ZMYM4: variants seen among roughly 807,000 people sequenced by gnomAD.
The protein encoded by ZMYM4 is zinc finger MYM-type protein 4.
Under a neutral mutation model 183.2 loss-of-function variants are expected in ZMYM4, and 31 were observed. That is an observed-to-expected ratio of 0.17 (90% CI 0.13 to 0.23). ZMYM4 has a LOEUF of 0.23. Among genes scored for constraint, ZMYM4 ranks in the 10% least tolerant of loss-of-function variants. The pLI is 1.00. For synonymous variants in ZMYM4, 592 were observed against 631.2 expected (o/e 0.94, Z 0.93); for missense variants, 1,273 against 1,840.3 (o/e 0.69, Z 5.64).
intron 28 of ZMYM4, among the ~76,000 whole-genome samples, chr1:35,418,061 A>T (rs945386139): frequency 1.3e-5 from 2 of 152,158 alleles, no homozygotes; most frequent in Admixed American, 6.6e-5. Flanking sequence ...TGTAGGAGAA[A>T]AACATGTGGA....
chr1:35,295,017 T>G (rs942844030), intron 1 of ZMYM4, among the ~76,000 whole-genome samples: 17 of 152,220 alleles, frequency 1.1e-4, no homozygotes, highest in South Asian at 2.1e-4. Flanking sequence ...AGTGTTTGAG[T>G]GCCTGTTATG....
At chr1:35,357,769 A>G (rs766702740) in intron 2 of ZMYM4, among the ~76,000 whole-genome samples, 5 of 152,190 alleles carry the variant, frequency 3.3e-5, no homozygotes, top group African/African-American at 9.7e-5. Context: ...CTAGTTGAAT[A>G]TAGACATCCG....
intron 1 of ZMYM4, among the ~76,000 whole-genome samples, chr1:35,316,840 A>G (rs1642065810): frequency 6.6e-6 from 1 of 152,182 alleles, no homozygotes; most frequent in Admixed American, 6.5e-5. Context: ...TATATTGAAA[A>G]AATTCAATTG....
intron 27 of ZMYM4, among the ~76,000 whole-genome samples, 168 bp downstream of exon 27, chr1:35,414,251 CTG>C (rs982097007): frequency 6.6e-6 from 1 of 152,156 alleles, no homozygotes; most frequent in African/African-American, 2.4e-5. Flanking sequence ...TTTAGGAAAA[CTG>C]TACAAGTCAT....
At chr1:35,358,206 T>C (rs745570968) in intron 2 of ZMYM4, among the ~76,000 whole-genome samples, 1 of 152,102 alleles carries the variant, frequency 6.6e-6, no homozygotes, top group Non-Finnish European at 1.5e-5. Context: ...GAAGGGAAGA[T>C]GAATGAGGGC....
intron 1 of ZMYM4, among the ~76,000 whole-genome samples, chr1:35,317,948 C>G (rs2148802290): frequency 6.6e-6 from 1 of 151,818 alleles, no homozygotes; most frequent in Middle Eastern, 3.4e-3. Flanking sequence ...GGAAGTAATA[C>G]TGGTACAAAT....
intron 2 of ZMYM4, among the ~76,000 whole-genome samples, chr1:35,336,150 A>G (rs1307071145): frequency 2.6e-5 from 4 of 152,158 alleles, no homozygotes; most frequent in Non-Finnish European, 4.4e-5. Context: ...GAGTTTGACT[A>G]TGGTAGTAAC....
chr1:35,414,620 A>G (rs1344960566), intron 27 of ZMYM4, among the ~76,000 whole-genome samples: 3 of 152,254 alleles, frequency 2.0e-5, no homozygotes, highest in African/African-American at 7.2e-5. Context: ...AGGAGTTTGC[A>G]AACTATGGTC....
intron 1 of ZMYM4, among the ~76,000 whole-genome samples, chr1:35,323,142 C>T (rs966861346): frequency 1.3e-5 from 2 of 152,020 alleles, no homozygotes; most frequent in Non-Finnish European, 2.9e-5. Context: ...GCTGGGATTA[C>T]AGGTGCCCGC....
chr1:35,367,765 CAGG>C (rs1350552314), intron 5 of ZMYM4, among the ~76,000 whole-genome samples: 1 of 151,892 alleles, frequency 6.6e-6, no homozygotes. Flanking sequence ...TACTTGAGGT[CAGG>C]AGTTCAAGAC....
intron 1 of ZMYM4, among the ~76,000 whole-genome samples, chr1:35,286,715 C>T (rs1269161515): frequency 6.7e-6 from 1 of 149,120 alleles, no homozygotes; most frequent in Non-Finnish European, 1.5e-5. Context: ...CCTCCCACCT[C>T]ACCCACCTGA....
chr1:35,414,059 T>C lies in ZMYM4; in HGVS notation c.4036T>C (p.Trp1346Arg). 1 of 1,581,866 alleles carries C rather than the reference T, an allele frequency of 6.3e-7. No individual in the cohort carries two copies. Among genetic ancestry groups the C allele is most frequent in the Non-Finnish European group, 8.6e-7 (1 of 1,162,588 alleles). Residue 1346 changes from tryptophan to arginine, a missense_variant, in exon 27 of 30, where the codon TGG (tryptophan) becomes CGG (arginine). Around this residue, in one of 6 missense-constraint regions of ZMYM4, gnomAD observed 145 missense variants for 331.6 expected, o/e 0.44. Transcript: ENST00000314607. Reference protein sequence around the residue: ...MIELTKLLKIWEPTILPNGYM... With the variant: ...MIELTKLLKIREPTILPNGYM... ...TGAACTTACCAAACTCTTGAAAATA[T>C]GGGAACCTACAATACTTCCTAATGG...
At chr1:35,283,622 G>A (rs1418059434) in intron 1 of ZMYM4, among the ~76,000 whole-genome samples, 2 of 151,584 alleles carry the variant, frequency 1.3e-5, no homozygotes, top group African/African-American at 2.4e-5. Flanking sequence ...CAGGTGTGAG[G>A]CACTGCACCC....
At chr1:35,395,875 A>G (rs1644799948) in intron 18 of ZMYM4, among the ~76,000 whole-genome samples, 1 of 152,210 alleles carries the variant, frequency 6.6e-6, no homozygotes, top group African/African-American at 2.4e-5. Context: ...AACCATCGTT[A>G]AGTTGGGGAC....
rs1644826966 is a variant in ZMYM4 at position 35,397,362 on chromosome 1, TC to T, written c.3031-13del. On this transcript the variant is annotated splice_polypyrimidine_tract_variant and intron_variant, in intron 19 of 29. Coordinates refer to ENST00000314607, the MANE Select transcript of ZMYM4 (RefSeq NM_005095.3). ...GTTGCCAAAGAAAGCCTTCAGTCTATCCTTGGTCTTTCAGATGCCTGTCCCT... is the reference window on the plus strand; with the variant it reads ...GTTGCCAAAGAAAGCCTTCAGTCTATCTTGGTCTTTCAGATGCCTGTCCCT... The T allele has an allele frequency of 6.4e-7, 1 of 1,571,874 alleles. No individual in the cohort carries two copies. Among genetic ancestry groups the T allele is most frequent in the Admixed American group, 1.8e-5 (1 of 54,610 alleles).
intron 18 of ZMYM4, among the ~76,000 whole-genome samples, 176 bp from the exon 19 acceptor site, chr1:35,396,376 C>T (rs1380921361): frequency 2.0e-5 from 3 of 152,178 alleles, no homozygotes; most frequent in East Asian, 1.9e-4. Flanking sequence ...CAGTGCTATA[C>T]TCAAGATTTA....
intron 7 of ZMYM4, among the ~76,000 whole-genome samples, chr1:35,372,615 C>T (rs1644238779): frequency 6.6e-6 from 1 of 152,168 alleles, no homozygotes; most frequent in African/African-American, 2.4e-5. Flanking sequence ...CACAGACACA[C>T]ACACACAGGT....
intron 1 of ZMYM4, among the ~76,000 whole-genome samples, chr1:35,274,010 T>G (rs1222363002): frequency 6.6e-6 from 1 of 152,206 alleles, no homozygotes; most frequent in Non-Finnish European, 1.5e-5. Context: ...GGAGAAGTTT[T>G]ATTTTGAATT....
rs965961383 is a variant in ZMYM4, at chr1:35,297,055, G to T, written c.39+27970G>T. ...AGTAGAGACGGAGTTTCACCATGTT[G>T]GTCAGGCTGGTCTTGAACTCCTGAC... On this transcript the variant is annotated intron_variant, in intron 1 of 29. Transcript: ENST00000314607. Among the ~76,000 whole-genome samples, 7 of 151,830 alleles carry T rather than the reference G, an allele frequency of 4.6e-5. No individual in the cohort carries two copies. The South Asian group carries it at 1.5e-3, about 32-fold the overall frequency.
Sources: gnomAD v4.1 joint callset for allele counts (sites outside exome capture counted in the v4.1 genomes callset) on GRCh38, gnomAD v4.1.1 for gene constraint, gnomAD v4.1.1 regional missense constraint, MANE v1.5 for transcripts, NCBI Gene and HGNC (gene_info 2026-07-23, HGNC 2026-07-21) for gene names.